RBMX: variants seen among roughly 807,000 people sequenced by gnomAD.
The protein encoded by RBMX is RNA-binding motif protein, X chromosome.
A neutral mutation model predicts 29.3 loss-of-function variants in RBMX; 1 was observed. The ratio of observed to expected loss-of-function variants is 0.03; its 90% confidence interval spans 0.01 to 0.16. The LOEUF is 0.16. RBMX is among the 10% of genes least tolerant of loss of function. The pLI is 1.00. For missense variants in RBMX, 121 were observed against 333.2 expected (o/e 0.36, Z 4.96); for synonymous variants, 102 against 102.3 (o/e 1.00, Z 0.02).
downstream of RBMX, chrX:136,869,420 C>G (rs772230497): frequency 8.9e-6 from 1 of 112,022 alleles, no homozygotes; most frequent in African/African-American, 3.2e-5. Flanking sequence ...TTTTAACATA[C>G]TCCTTATATT....
Position 136,876,668 on chromosome X carries a change from T to C in RBMX, c.389-13A>G, listed in dbSNP as rs769507961. 39 of 1,146,581 alleles carry C rather than the reference T, an allele frequency of 3.4e-5. No individual in the cohort carries two copies. The highest frequency in any genetic ancestry group is 4.9e-4 in the Middle Eastern group (2 of 4,056). 94.5% of individuals were successfully genotyped at this position (1,146,581 alleles called of 1,213,427 possible). A position where few individuals can be genotyped will look rare whatever the true frequency, so the allele number is the denominator to read the frequency against. On this transcript the variant is annotated splice_polypyrimidine_tract_variant and intron_variant, in intron 4 of 8. Transcript: ENST00000320676. ...TATCCACCGTCATCTGCATCAAAAA[T>C]AGAAAAGAAAAATATTACTACTCAC...
At chrX:136,871,109 T>C (rs1166364218), downstream of RBMX, among the ~76,000 whole-genome samples, 1 of 98,421 alleles carries the variant, frequency 1.0e-5, no homozygotes, top group Non-Finnish European at 2.0e-5. Context: ...TGCAAAACTG[T>C]CTCAGAAGAG....
At chrX:136,879,554 G>T in intron 1 of RBMX, 101 bp from the exon 2 acceptor site, 1 of 710,642 alleles carries the variant, frequency 1.4e-6, no homozygotes, top group Non-Finnish European at 2.1e-6. Flanking sequence ...TAAAACCATT[G>T]TTCCTTAATA....
intron 4 of RBMX, among the ~76,000 whole-genome samples, chrX:136,877,131 G>C (rs749741454): frequency 1.8e-5 from 2 of 109,329 alleles, no homozygotes; most frequent in African/African-American, 6.6e-5. Context: ...CTGAGGTCAG[G>C]AGTTCAAGAC....
At chrX:136,874,758 T>C (rs372633990) in intron 8 of RBMX, 2 of 380,276 alleles carry the variant, frequency 5.3e-6, no homozygotes, top group East Asian at 9.6e-5. Flanking sequence ...AATTTTGAAC[T>C]GTAGAACTTG....
At chrX:136,876,712 A>G (rs771912665) in intron 4 of RBMX, 57 bp from the exon 5 acceptor site, 51 of 1,044,493 alleles carry the variant, frequency 4.9e-5, no homozygotes, top group African/African-American at 1.4e-4. Flanking sequence ...AGAAAGATAT[A>G]AAAGTTTTTT....
chrX:136,878,187 G>A (rs2077754899), intron 3 of RBMX, 101 bp from the exon 4 acceptor site: 1 of 730,841 alleles, frequency 1.4e-6, no homozygotes, highest in South Asian at 3.9e-5. Context: ...TGCAGTTATG[G>A]GTAAGTGTTG....
downstream of RBMX, among the ~76,000 whole-genome samples, chrX:136,871,164 C>T (rs1170502987): frequency 1.9e-5 from 2 of 106,315 alleles, no homozygotes; most frequent in Non-Finnish European, 3.9e-5. Flanking sequence ...CAACCATAGG[C>T]GGCCAGGTGC....
chrX:136,878,812 A>G (rs182305337), intron 3 of RBMX, among the ~76,000 whole-genome samples: 2 of 110,071 alleles, frequency 1.8e-5, no homozygotes, highest in African/African-American at 6.6e-5. Context: ...TGTTACGAGC[A>G]TAAGATATAA....
chrX:136,869,681 CA>C (rs1180793721), downstream of RBMX: 1 of 109,687 alleles, frequency 9.1e-6, no homozygotes, highest in Non-Finnish European at 1.9e-5. Flanking sequence ...TCCCTAGTTG[CA>C]AATGTTCCAA....
At position 136,873,633 on chromosome X, in the gene RBMX, A is replaced by G; in HGVS notation, c.*509T>C. The G allele has an allele frequency of 1.3e-6, 1 of 755,274 alleles. No individual in the cohort carries two copies. Among genetic ancestry groups the G allele is most frequent in the Non-Finnish European group, 1.6e-6 (1 of 639,104 alleles). The allele number at this position is 755,274 out of a possible 1,213,427, so 62.2% of individuals were successfully genotyped here. The stretch of plus-strand genomic sequence containing the variant: ...TTTTTGGGTTTACTGGGTGAATAGC[A>G]CTTTCCTTACATAGGCATGTGATTT... On this transcript the variant is annotated 3_prime_UTR_variant, in exon 9 of 9. Coordinates refer to ENST00000320676, the MANE Select transcript of RBMX (RefSeq NM_002139.4).
chrX:136,876,781 C>T (rs192125279), intron 4 of RBMX, 126 bp from the exon 5 acceptor site: 49 of 482,397 alleles, frequency 1.0e-4, no homozygotes, highest in Admixed American at 1.5e-4. Flanking sequence ...CATCTCGGCT[C>T]ACTGCAACCT....
chrX:136,874,089 T>G lies in RBMX; in HGVS notation c.*53A>C. ...CCTTGGGTAGTTATGATAGAATAGT[T>G]TCCACTTTTTGTTTCTTTGAACTGG... On this transcript the variant is annotated 3_prime_UTR_variant, in exon 9 of 9. Transcript: ENST00000320676. The G allele has an allele frequency of 8.6e-7, 1 of 1,159,482 alleles. No homozygotes were observed. The highest frequency in any genetic ancestry group is 1.1e-6 in the Non-Finnish European group (1 of 871,193).
chrX:136,876,321 A>C (rs1386769800), intron 5 of RBMX, among the ~76,000 whole-genome samples, 182 bp downstream of exon 5: 1 of 109,190 alleles, frequency 9.2e-6, no homozygotes, highest in Non-Finnish European at 1.9e-5. Flanking sequence ...ACGGGGTTTC[A>C]CCACATTGGC....
At chrX:136,876,450 T>C in intron 5 of RBMX, 53 bp downstream of exon 5, 2 of 1,109,143 alleles carry the variant, frequency 1.8e-6, no homozygotes, top group Middle Eastern at 3.6e-4. Flanking sequence ...CATTCACCTC[T>C]CAATTCTTTG....
intron 4 of RBMX, among the ~76,000 whole-genome samples, 161 bp downstream of exon 4, chrX:136,877,754 C>T (rs1025618327): frequency 1.8e-5 from 2 of 112,485 alleles, no homozygotes; most frequent in African/African-American, 6.5e-5. Flanking sequence ...CTAAAACATG[C>T]TTCCCATGCT....
rs1480135793 is a variant in RBMX, at chrX:136,876,670, G to C, written c.389-15C>G. ...TCCACCGTCATCTGCATCAAAAATA[G>C]AAAAGAAAAATATTACTACTCACAA... On this transcript the variant is annotated splice_polypyrimidine_tract_variant and intron_variant, in intron 4 of 8. Transcript: ENST00000320676. 1.8e-6 allele frequency: 2 copies of C among 1,127,800 alleles called. No individual in the cohort carries two copies. The highest frequency in any genetic ancestry group is 2.1e-5 in the South Asian group (1 of 48,099). 92.9% of individuals were successfully genotyped at this position (1,127,800 alleles called of 1,213,427 possible).
At chrX:136,870,493 T>A (rs1603365402), downstream of RBMX, 1 of 112,626 alleles carries the variant, frequency 8.9e-6, no homozygotes, top group East Asian at 2.8e-4. Flanking sequence ...AAACTATCAT[T>A]TAAATATATA....
chrX:136,879,997 A>G (rs2077781621), intron 1 of RBMX, among the ~76,000 whole-genome samples: 2 of 112,063 alleles, frequency 1.8e-5, no homozygotes, highest in Non-Finnish European at 3.8e-5. Flanking sequence ...TATCCGGCCA[A>G]AAAGATAAAA....
Sources: gnomAD v4.1 joint callset for allele counts (sites outside exome capture counted in the v4.1 genomes callset) on GRCh38, gnomAD v4.1.1 for gene constraint, MANE v1.5 for transcripts, NCBI Gene and HGNC (gene_info 2026-07-23, HGNC 2026-07-21) for gene names.